Variants in AUTS2 observed in about 807,000 individuals in gnomAD.
The protein encoded by AUTS2 is activator of transcription and developmental regulator AUTS2.
In AUTS2, 17 loss-of-function variants were observed where a neutral mutation model predicts 112.4. The ratio of observed to expected loss-of-function variants is 0.15; its 90% CI spans 0.10 to 0.23. The LOEUF (loss-of-function observed/expected upper bound fraction) is 0.23, where lower values mean the gene tolerates loss of function less well. AUTS2 is among the 10% of genes least tolerant of loss of function. The probability of loss-of-function intolerance (pLI) is 1.00; values close to 1 mark genes in which losing one functional copy is unlikely to be tolerated. For synonymous variants in AUTS2, 751 were observed against 702.7 expected (o/e 1.07, Z -1.09); for missense variants, 1,510 against 1,701.6 (o/e 0.89, Z 1.98).
chr7:70,006,005 A>G (rs367685777), intron 2 of AUTS2, among the ~76,000 whole-genome samples: 1 of 152,134 alleles, frequency 6.6e-6, no homozygotes, highest in East Asian at 1.9e-4. Context: ...CCTAACATTT[A>G]AAGTGGAAAC....
chr7:69,862,260 T>C (rs1210432634), intron 1 of AUTS2, among the ~76,000 whole-genome samples: 1 of 152,098 alleles, frequency 6.6e-6, no homozygotes, highest in African/African-American at 2.4e-5. Context: ...ATATAAAATA[T>C]CCACATGTCA....
chr7:70,702,377 T>C (rs1809503312), intron 6 of AUTS2, among the ~76,000 whole-genome samples: 1 of 152,214 alleles, frequency 6.6e-6, no homozygotes, highest in African/African-American at 2.4e-5. Flanking sequence ...ATTTAGCCCG[T>C]AACCAAGACA....
intron 5 of AUTS2, among the ~76,000 whole-genome samples, chr7:70,520,972 A>G (rs1273967658): frequency 6.6e-6 from 1 of 151,994 alleles, no homozygotes; most frequent in Non-Finnish European, 1.5e-5. Flanking sequence ...ATGTCCTTGC[A>G]TTGGTTCATA....
intron 1 of AUTS2, among the ~76,000 whole-genome samples, chr7:69,890,447 C>T (rs1347793375): frequency 3.3e-5 from 5 of 152,086 alleles, no homozygotes; most frequent in Non-Finnish European, 7.4e-5. Context: ...CCTTGTCCCT[C>T]TCATCTTTAT....
chr7:69,893,498 T>C (rs906302667), intron 1 of AUTS2, among the ~76,000 whole-genome samples: 8 of 152,316 alleles, frequency 5.3e-5, no homozygotes, highest in African/African-American at 1.4e-4. Context: ...CATTGTGTCA[T>C]TGGGGACAGG....
chr7:69,716,654 A>G (rs917823678), intron 1 of AUTS2, among the ~76,000 whole-genome samples: 1 of 152,108 alleles, frequency 6.6e-6, no homozygotes, highest in African/African-American at 2.4e-5. Flanking sequence ...TGGAGATAGT[A>G]TCAGATCTCA....
intron 2 of AUTS2, among the ~76,000 whole-genome samples, chr7:69,942,041 A>G (rs983529644): frequency 5.3e-5 from 8 of 152,196 alleles, no homozygotes; most frequent in Admixed American, 2.0e-4. Context: ...TGGTGGACAT[A>G]TTGAGAATAC....
chr7:70,491,404 G>A (rs2116415232), intron 5 of AUTS2, among the ~76,000 whole-genome samples: 1 of 127,654 alleles, frequency 7.8e-6, no homozygotes, highest in South Asian at 2.4e-4. Flanking sequence ...GACTTGGTGT[G>A]TGTGCGTGTG....
intron 4 of AUTS2, among the ~76,000 whole-genome samples, chr7:70,218,392 C>T (rs1253734190): frequency 2.6e-5 from 4 of 152,140 alleles, no homozygotes; most frequent in Non-Finnish European, 4.4e-5. Context: ...CTTCTGACTT[C>T]CCTCTGATGC....
At chr7:69,695,175 A>G (rs1369130753) in intron 1 of AUTS2, among the ~76,000 whole-genome samples, 4 of 151,866 alleles carry the variant, frequency 2.6e-5, no homozygotes, top group African/African-American at 9.7e-5. Context: ...AAGAAAAAAG[A>G]AAAAAAAGTC....
chr7:69,720,107 G>A (rs568684899), intron 1 of AUTS2, among the ~76,000 whole-genome samples: 18 of 152,286 alleles, frequency 1.2e-4, no homozygotes, highest in African/African-American at 3.8e-4. Context: ...AAGTAATTTG[G>A]CATGGTAATG....
chr7:70,146,776 A>T (rs1215291820), intron 4 of AUTS2, among the ~76,000 whole-genome samples: 1 of 152,164 alleles, frequency 6.6e-6, no homozygotes, highest in Non-Finnish European at 1.5e-5. Flanking sequence ...CCTAGGGCTT[A>T]GTTTCAAATC....
At chr7:70,451,019 T>C (rs1796509163) in intron 5 of AUTS2, among the ~76,000 whole-genome samples, 1 of 151,812 alleles carries the variant, frequency 6.6e-6, no homozygotes, top group South Asian at 2.1e-4. Context: ...CAGAAGAGAG[T>C]ACATATTGAT....
At chr7:70,418,016 A>G (rs1371022266) in intron 4 of AUTS2, among the ~76,000 whole-genome samples, 1 of 152,008 alleles carries the variant, frequency 6.6e-6, no homozygotes, top group Non-Finnish European at 1.5e-5. Context: ...TGCACAGGAT[A>G]ATCACAGGGG....
intron 1 of AUTS2, among the ~76,000 whole-genome samples, chr7:69,859,774 T>C (rs1443400072): frequency 6.6e-6 from 1 of 152,168 alleles, no homozygotes; most frequent in Non-Finnish European, 1.5e-5. Context: ...CTCTGTTCTG[T>C]CAAGCCTGTC....
Position 70,417,377 on chromosome 7 carries a change from C to T in AUTS2, c.661-18375C>T, listed in dbSNP as rs187175987. On this transcript the variant is annotated intron_variant, in intron 4 of 18. Coordinates refer to ENST00000342771, the MANE Select transcript of AUTS2 (RefSeq NM_015570.4). The stretch of plus-strand genomic sequence containing the variant: ...TGGCAGCACATCAAATTGGCGCTGT[C>T]ATAGCTGACCGTGGCAATGGCAGTC... Among the ~76,000 whole-genome samples the T allele has an allele frequency of 1.3e-3, 197 of 152,320 alleles. 2 individuals are homozygous for T. The highest frequency in any genetic ancestry group is 0.011 in the Admixed American group (166 of 15,302).
At chr7:69,766,423 T>C (rs899720683) in intron 1 of AUTS2, among the ~76,000 whole-genome samples, 2 of 152,248 alleles carry the variant, frequency 1.3e-5, no homozygotes, top group African/African-American at 4.8e-5. Flanking sequence ...TGTGCAAATA[T>C]GTTCTTGAGA....
chr7:70,140,004 AT>A (rs1584780711), intron 4 of AUTS2, among the ~76,000 whole-genome samples: 1 of 152,342 alleles, frequency 6.6e-6, no homozygotes, highest in East Asian at 1.9e-4. Context: ...CTCAAAAAAA[AT>A]TTATAAATGA....
rs113323377 is a variant in AUTS2, at chr7:70,108,622, A to G, written c.523-9510A>G. The stretch of plus-strand genomic sequence containing the variant: ...CTCACCCATTAATGTTTTACTGTGT[A>G]TCTGTAAAGGACTCTGCTTTTTTAC... On this transcript the variant is annotated intron_variant, in intron 2 of 18. Transcript: ENST00000342771. 4.2e-4 allele frequency among the ~76,000 whole-genome samples: 64 copies of G among 151,874 alleles called. 5 individuals carry two copies. The highest frequency in any genetic ancestry group is 1.4e-3 in the African/African-American group (60 of 41,412).
Sources: gnomAD v4.1 joint callset for allele counts (sites outside exome capture counted in the v4.1 genomes callset) on GRCh38, gnomAD v4.1.1 for gene constraint, MANE v1.5 for transcripts, NCBI Gene and HGNC (gene_info 2026-07-23, HGNC 2026-07-21) for gene names.